The following TBC1D9 variants were observed in gnomAD, a reference collection of about 807,000 sequenced individuals.
TBC1D9 encodes the protein TBC1 domain family member 9.
In TBC1D9, 63 loss-of-function variants were observed where a neutral mutation model predicts 132.0. The observed-to-expected ratio is 0.48, with a 90% confidence interval of 0.39 to 0.59. TBC1D9 has a LOEUF of 0.59. Among genes scored for constraint, TBC1D9 ranks in the 20% least tolerant of loss-of-function variants. The pLI, the probability that TBC1D9 is intolerant of heterozygous loss-of-function variation, is 0.00. For synonymous variants in TBC1D9, 610 were observed against 609.9 expected (o/e 1.00, Z 0.00); for missense variants, 1,261 against 1,592.7 (o/e 0.79, Z 3.54).
chr4:140,683,034 G>A (rs983743845), intron 3 of TBC1D9, among the ~76,000 whole-genome samples: 2 of 152,034 alleles, frequency 1.3e-5, no homozygotes, highest in African/African-American at 4.8e-5. Flanking sequence ...TTACAGGCAT[G>A]CACCACCACG....
chr4:140,735,702 C>T (rs1195043401), intron 1 of TBC1D9, among the ~76,000 whole-genome samples: 4 of 152,150 alleles, frequency 2.6e-5, no homozygotes, highest in African/African-American at 9.7e-5. Flanking sequence ...CAGAGCAAAA[C>T]CCTGTCTTAA....
chr4:140,676,977 C>T lies in TBC1D9; in HGVS notation c.976G>A (p.Gly326Arg). ...WTPFNKMHILGQMFVSTNYIC... is the reference protein window; with the variant it reads ...WTPFNKMHILRQMFVSTNYIC... ...TAATTTGTGGACACAAACATCTGCC[C>T]CAAAATGTGCATTTTGTTAAATGGA... Residue 326 changes from glycine (G) to arginine (R), a missense_variant, in exon 6 of 21, where the codon GGG (glycine) becomes AGG (arginine). Physicochemically the swap from Gly to Arg is moderately radical, Grantham distance 125 (BLOSUM62 -2). This residue lies in a region of TBC1D9 where 550 missense variants were observed against 699.0 expected (regional missense o/e 0.79). Transcript: ENST00000442267. The T allele has an allele frequency of 6.2e-7, 1 of 1,613,948 alleles. No individual in the cohort carries two copies. Among genetic ancestry groups the T allele is most frequent in the Non-Finnish European group, 8.5e-7 (1 of 1,179,880 alleles).
chr4:140,642,226 ATTC>A (rs1245837622), intron 13 of TBC1D9: 2 of 728,950 alleles, frequency 2.7e-6, no homozygotes, highest in Non-Finnish European at 5.0e-6. Context: ...TCCTTCAGGA[ATTC>A]TTCGTCTTCC....
chr4:140,642,992 G>T, intron 13 of TBC1D9: 1 of 715,618 alleles, frequency 1.4e-6, no homozygotes. Flanking sequence ...ACATTCTGAA[G>T]TCCAGTTCCA....
chr4:140,656,367 T>G (rs950249820), intron 13 of TBC1D9, among the ~76,000 whole-genome samples: 3 of 152,108 alleles, frequency 2.0e-5, no homozygotes, highest in Admixed American at 6.6e-5. Context: ...AATAAATATA[T>G]AAATAAATAA....
chr4:140,643,725 C>T lies in TBC1D9; in HGVS notation c.2338-4297G>A, dbSNP rs1378879874. The T allele has an allele frequency of 1.2e-5, 15 of 1,215,522 alleles. No homozygotes were observed. The South Asian group carries it at 1.4e-4, about 12-fold the overall frequency. 75.3% of individuals were successfully genotyped at this position (1,215,522 alleles called of 1,614,324 possible). A position where few individuals can be genotyped will look rare whatever the true frequency, so the allele number is the denominator to read the frequency against. ...CAATGCGGCCGTGCAGGGTTCTGTC[C>T]GGCCCGGGGAATCCACGCATGCTTC... is the stretch of plus-strand genomic sequence containing the variant. On this transcript the variant is annotated intron_variant, in intron 13 of 20. Coordinates refer to ENST00000442267, the MANE Select transcript of TBC1D9 (RefSeq NM_015130.3).
intron 1 of TBC1D9, among the ~76,000 whole-genome samples, chr4:140,720,289 T>C (rs1275687935): frequency 6.6e-6 from 1 of 152,106 alleles, no homozygotes; most frequent in Non-Finnish European, 1.5e-5. Context: ...AAACAAAAAG[T>C]TTCTGGGCTC....
chr4:140,751,536 A>T (rs1310905936), intron 1 of TBC1D9, among the ~76,000 whole-genome samples: 2 of 152,206 alleles, frequency 1.3e-5, no homozygotes, highest in Non-Finnish European at 2.9e-5. Flanking sequence ...AGACTTATTG[A>T]ACAGAACACA....
chr4:140,733,025 CTGAG>C (rs1738622412), intron 1 of TBC1D9, among the ~76,000 whole-genome samples: 2 of 152,298 alleles, frequency 1.3e-5, no homozygotes, highest in South Asian at 4.1e-4. Flanking sequence ...GACGTTAGAG[CTGAG>C]TGTCAGTTTC....
At chr4:140,728,482 TG>T (rs1375832460) in intron 1 of TBC1D9, among the ~76,000 whole-genome samples, 1 of 152,064 alleles carries the variant, frequency 6.6e-6, no homozygotes, top group Non-Finnish European at 1.5e-5. Flanking sequence ...GAAATCTACT[TG>T]TTTTTTTTGT....
In TBC1D9 at chr4:140,694,296, C is replaced by T. The variant is rs993446622; in HGVS notation, c.241+7208G>A. Among the ~76,000 whole-genome samples the T allele has an allele frequency of 8.5e-5, 13 of 152,196 alleles. No homozygotes were observed. The East Asian group carries it at 9.6e-4, about 11-fold the overall frequency. ...TACTTATTAAAATTGATAGGCCAGG[C>T]GCAGTGGCTCATGCCTGTAATACTA... On this transcript the variant is annotated intron_variant, in intron 2 of 20. Transcript: ENST00000442267.
chr4:140,639,240 T>C (rs1736925024), intron 14 of TBC1D9, 86 bp from the exon 15 acceptor site: 4 of 1,479,018 alleles, frequency 2.7e-6, no homozygotes, highest in Non-Finnish European at 3.7e-6. Flanking sequence ...TTCAAATTGT[T>C]TTCAGTTCTG....
intron 2 of TBC1D9, among the ~76,000 whole-genome samples, chr4:140,687,486 A>T (rs1202238288): frequency 1.3e-5 from 2 of 149,058 alleles, no homozygotes; most frequent in Middle Eastern, 3.2e-3. Flanking sequence ...TCGATTTCCA[A>T]GTTATATTTT....
intron 6 of TBC1D9, among the ~76,000 whole-genome samples, chr4:140,672,591 T>C (rs1737555367): frequency 6.6e-6 from 1 of 152,054 alleles, no homozygotes; most frequent in African/African-American, 2.4e-5. Context: ...AAGTGAAAAA[T>C]TCCTTCGTCT....
chr4:140,755,995 G>C lies in TBC1D9; in HGVS notation c.51C>G (p.Thr17=). Residue 17 remains threonine, a synonymous_variant, in exon 1 of 21, where the codon ACC becomes ACG. Coordinates refer to ENST00000442267, the MANE Select transcript of TBC1D9 (RefSeq NM_015130.3). ...EVLLANALWI[T]ERANPYFILQ... ...GGATGAAGTATGGGTTGGCCCTCTC[G>C]GTGATCCACAGCGCGTTGGCCAGCA... is the stretch of plus-strand genomic sequence containing the variant. 1 of 1,609,512 alleles carries C rather than the reference G, an allele frequency of 6.2e-7. No individual in the cohort carries two copies. The highest frequency in any genetic ancestry group is 1.1e-5 in the South Asian group (1 of 90,596).
At chr4:140,740,507 G>A (rs900117396) in intron 1 of TBC1D9, among the ~76,000 whole-genome samples, 2 of 152,046 alleles carry the variant, frequency 1.3e-5, no homozygotes, top group Non-Finnish European at 2.9e-5. Flanking sequence ...CCCTTTACTC[G>A]CTCTTTCTCT....
At chr4:140,692,159 A>G (rs1211188805) in intron 2 of TBC1D9, among the ~76,000 whole-genome samples, 2 of 152,214 alleles carry the variant, frequency 1.3e-5, no homozygotes, top group African/African-American at 4.8e-5. Flanking sequence ...GCACATGTGT[A>G]GGTACATTTG....
chr4:140,744,832 G>A (rs904380645), intron 1 of TBC1D9, among the ~76,000 whole-genome samples: 9 of 139,952 alleles, frequency 6.4e-5, no homozygotes, highest in African/African-American at 1.1e-4. Context: ...GCAGTAAGCC[G>A]AAATCTTGCC....
rs182251203 is a variant in TBC1D9, at chr4:140,624,516, A to C, written c.2900-128T>G. ...CTGATTTAGCAAACAAACAAACAAA[A>C]AAAAACTCCTCAAAACAAAACAAAA... On this transcript the variant is annotated intron_variant, in intron 18 of 20. Transcript: ENST00000442267. 685 of 755,900 alleles carry C rather than the reference A, an allele frequency of 9.1e-4. 4 individuals are homozygous for C. The highest frequency in any genetic ancestry group is 7.7e-3 in the African/African-American group (434 of 56,364). 46.8% of individuals were successfully genotyped at this position (755,900 alleles called of 1,614,324 possible). A position where few individuals can be genotyped will look rare whatever the true frequency, so the allele number is the denominator to read the frequency against.
Sources: allele counts gnomAD v4.1 joint callset (sites outside exome capture counted in the v4.1 genomes callset), GRCh38; gene constraint gnomAD v4.1.1; regional missense constraint gnomAD v4.1.1; transcripts MANE v1.5; gene names NCBI Gene and HGNC (gene_info 2026-07-23, HGNC 2026-07-21).